The following MECOM variants were observed in gnomAD, a reference collection of about 807,000 sequenced individuals.
MECOM encodes MDS1 and EVI1 complex locus.
MECOM carries 13 observed loss-of-function variants against 116.3 expected under a neutral mutation model. That is an observed-to-expected ratio of 0.11 (90% CI 0.07 to 0.18). The LOEUF (loss-of-function observed/expected upper bound fraction) is 0.18. MECOM is among the 10% of genes least tolerant of loss of function. The probability of loss-of-function intolerance (pLI) is 1.00; values close to 1 mark genes in which losing one functional copy is unlikely to be tolerated. For synonymous variants in MECOM, 528 were observed against 535.2 expected, an observed-to-expected ratio of 0.99 and a Z score of 0.19; for missense variants, 1,299 against 1,509.0, an observed-to-expected ratio of 0.86 and a Z score of 2.31.
intron 1 of MECOM, among the ~76,000 whole-genome samples, chr3:169,442,322 A>G (rs927565603): frequency 1.3e-5 from 2 of 152,132 alleles, no homozygotes; most frequent in Non-Finnish European, 2.9e-5. Context: ...CAGTCTCCCA[A>G]AGTGCTGGGA....
At chr3:169,233,066 G>C (rs920744862) in intron 2 of MECOM, among the ~76,000 whole-genome samples, 1 of 152,044 alleles carries the variant, frequency 6.6e-6, no homozygotes, top group African/African-American at 2.4e-5. Context: ...CTGTCTCCCA[G>C]TCAGGATTAG....
intron 1 of MECOM, among the ~76,000 whole-genome samples, chr3:169,654,853 A>C (rs775911620): frequency 6.3e-4 from 95 of 149,790 alleles, no homozygotes; most frequent in Non-Finnish European, 1.1e-3. Context: ...TATTAACTTG[A>C]GGTGGGGAAG....
rs144642231 is a variant in MECOM, at chr3:169,639,272, G to A, written c.37+24064C>T. On this transcript the variant is annotated intron_variant, in intron 1 of 16. Transcript: ENST00000651503. ...GTTCAGAGATGGGCATGTATCCCAC[G>A]TCTGAGCCAATCAGTGCATAGTGTT... Among the ~76,000 whole-genome samples, 985 of 152,222 alleles carry A rather than the reference G, an allele frequency of 6.5e-3. 30 individuals are homozygous for A. Among genetic ancestry groups the A allele is most frequent in the Admixed American group, 0.059 (900 of 15,284 alleles).
chr3:169,276,767 A>T (rs920784438), intron 2 of MECOM, among the ~76,000 whole-genome samples: 1 of 152,196 alleles, frequency 6.6e-6, no homozygotes, highest in African/African-American at 2.4e-5. Flanking sequence ...ATAGAAACAA[A>T]AAACAATGTA....
At chr3:169,360,259 G>A (rs543154593) in intron 2 of MECOM, among the ~76,000 whole-genome samples, 23 of 136,064 alleles carry the variant, frequency 1.7e-4, no homozygotes, top group Non-Finnish European at 2.9e-4. Flanking sequence ...AGATGAACCC[G>A]GTACCTCAGA....
chr3:169,599,945 T>C (rs957735802), intron 1 of MECOM, among the ~76,000 whole-genome samples: 6 of 152,160 alleles, frequency 3.9e-5, no homozygotes, highest in Admixed American at 1.3e-4. Context: ...TATGGATATA[T>C]GTAATATTCT....
chr3:169,447,301 T>C (rs765191374), intron 1 of MECOM, among the ~76,000 whole-genome samples: 13 of 152,246 alleles, frequency 8.5e-5, no homozygotes, highest in Non-Finnish European at 2.9e-5. Context: ...TCTCATTCAG[T>C]AGCTAGAAGG....
chr3:169,560,862 A>C (rs116768891), intron 1 of MECOM, among the ~76,000 whole-genome samples: 1 of 152,010 alleles, frequency 6.6e-6, no homozygotes, highest in African/African-American at 2.4e-5. Flanking sequence ...ATTTTGGGTG[A>C]CTTTTTTTTC....
intron 2 of MECOM, among the ~76,000 whole-genome samples, chr3:169,375,778 A>G (rs1448753733): frequency 1.3e-5 from 2 of 152,058 alleles, no homozygotes; most frequent in Non-Finnish European, 2.9e-5. Flanking sequence ...CATTACTTAC[A>G]AAATTATTCC....
Position 169,534,672 on chromosome 3 carries a change from C to T in MECOM, c.37+128664G>A, listed in dbSNP as rs1759111366. Among the ~76,000 whole-genome samples, 10 of 152,284 alleles carry T rather than the reference C, an allele frequency of 6.6e-5. No homozygotes were observed. In the South Asian group the frequency reaches 2.1e-3, roughly 32 times the overall value. Reference sequence around the variant, plus strand: ...TTACATAATGAGCAAACTCGTAGTGCTTACTATTTGCCAACCACTGTCTTA... The same window carrying T: ...TTACATAATGAGCAAACTCGTAGTGTTTACTATTTGCCAACCACTGTCTTA... On this transcript the variant is annotated intron_variant, in intron 1 of 16. Transcript: ENST00000651503.
chr3:169,605,280 T>A (rs144600963), intron 1 of MECOM, among the ~76,000 whole-genome samples: 1 of 152,304 alleles, frequency 6.6e-6, no homozygotes, highest in East Asian at 1.9e-4. Flanking sequence ...AAACAAACAC[T>A]TTCAGCTATT....
At chr3:169,658,346 C>T (rs939858001) in intron 1 of MECOM, among the ~76,000 whole-genome samples, 2 of 152,242 alleles carry the variant, frequency 1.3e-5, no homozygotes, top group African/African-American at 2.4e-5. Context: ...CTCCCTTGCC[C>T]TATGAGGCTA....
At chr3:169,230,183 G>A (rs1479261947) in intron 2 of MECOM, among the ~76,000 whole-genome samples, 1 of 151,780 alleles carries the variant, frequency 6.6e-6, no homozygotes, top group African/African-American at 2.4e-5. Flanking sequence ...CTCCAGGCCA[G>A]AACTTTGAGA....
chr3:169,449,071 C>T (rs1745123234), intron 1 of MECOM, among the ~76,000 whole-genome samples: 2 of 152,034 alleles, frequency 1.3e-5, no homozygotes, highest in Non-Finnish European at 2.9e-5. Flanking sequence ...GAAAGCAAAG[C>T]CAAATGAAGC....
intron 2 of MECOM, among the ~76,000 whole-genome samples, chr3:169,197,327 TAAATAAATAAATAAATA>T (rs1437069812): frequency 4.9e-5 from 4 of 82,320 alleles, no homozygotes; most frequent in Admixed American, 4.8e-4. Flanking sequence ...TAAAAATAAA[TAAATAAATAAATAAATA>T]AAATAAAATA....
At chr3:169,648,803 T>C (rs1774497600) in intron 1 of MECOM, among the ~76,000 whole-genome samples, 1 of 152,224 alleles carries the variant, frequency 6.6e-6, no homozygotes, top group African/African-American at 2.4e-5. Context: ...TATCTTCTAC[T>C]GGATAAAAAT....
intron 2 of MECOM, among the ~76,000 whole-genome samples, chr3:169,231,830 T>G (rs1228365331): frequency 2.0e-5 from 3 of 152,140 alleles, no homozygotes; most frequent in Non-Finnish European, 4.4e-5. Context: ...ATTTTCTAAT[T>G]CATTGTTTAA....
At chr3:169,572,294 C>A (rs1014547020) in intron 1 of MECOM, among the ~76,000 whole-genome samples, 3 of 152,172 alleles carry the variant, frequency 2.0e-5, no homozygotes, top group Admixed American at 6.5e-5. Flanking sequence ...CAATGAGATA[C>A]CATCTCATAC....
chr3:169,124,592 T>C (rs538526005), intron 5 of MECOM, among the ~76,000 whole-genome samples: 6 of 152,044 alleles, frequency 3.9e-5, no homozygotes, highest in South Asian at 2.1e-4. Flanking sequence ...ATTGAACTTA[T>C]GTTTTTAAGG....
Sources: gnomAD v4.1 joint callset for allele counts (sites outside exome capture counted in the v4.1 genomes callset) on GRCh38, gnomAD v4.1.1 for gene constraint, MANE v1.5 for transcripts, NCBI Gene and HGNC (gene_info 2026-07-23, HGNC 2026-07-21) for gene names.